SCUBE2: variants seen among roughly 807,000 people sequenced by gnomAD.
SCUBE2 encodes signal peptide, CUB domain and EGF like domain containing 2, also known as signal peptide, CUB and EGF-like domain-containing protein 2.
A neutral mutation model predicts 125.9 loss-of-function variants in SCUBE2; 114 were observed. The ratio of observed to expected loss-of-function variants is 0.91; its 90% CI spans 0.78 to 1.06. SCUBE2 has a LOEUF of 1.06. Among genes scored for constraint, SCUBE2 ranks in the 50% least tolerant of loss-of-function variants. The pLI, the probability that SCUBE2 is intolerant of heterozygous loss-of-function variation, is 0.00. For missense variants in SCUBE2, 1,255 were observed against 1,301.8 expected, an observed-to-expected ratio of 0.96 and a Z score of 0.55; for synonymous variants, 459 against 492.9, an observed-to-expected ratio of 0.93 and a Z score of 0.91.
intron 10 of SCUBE2, among the ~76,000 whole-genome samples, chr11:9,055,490 TGA>T (rs1858986822): frequency 6.6e-6 from 1 of 152,194 alleles, no homozygotes; most frequent in Non-Finnish European, 1.5e-5. Context: ...TATCAGCTCC[TGA>T]GATACCCTTC....
chr11:9,072,319 CT>C (rs1471242452), intron 4 of SCUBE2, among the ~76,000 whole-genome samples: 1 of 152,200 alleles, frequency 6.6e-6, no homozygotes, highest in East Asian at 1.9e-4. Flanking sequence ...CGCCATTCTC[CT>C]GCCTCAGCCT....
intron 6 of SCUBE2, 27 bp from the exon 7 acceptor site, chr11:9,066,007 T>C (rs536108384): frequency 2.0e-6 from 3 of 1,534,284 alleles, no homozygotes; most frequent in Admixed American, 1.7e-5. Flanking sequence ...AGAGCACGGT[T>C]CTCAGACTGA....
In SCUBE2 at chr11:9,021,072, C is replaced by T; in HGVS notation, c.3060G>A (p.Val1020=). The T allele has an allele frequency of 6.2e-7, 1 of 1,613,498 alleles. No homozygotes were observed. Among genetic ancestry groups the T allele is most frequent in the Non-Finnish European group, 8.5e-7 (1 of 1,179,734 alleles). The change falls in exon 23 of 23, where the codon GTG becomes GTA. Residue 1020 remains valine (V), a synonymous_variant. Coordinates refer to ENST00000649792, the MANE Select transcript of SCUBE2 (RefSeq NM_001367977.2). ...RSFIRLLRSK[V]SRFLRPYK Reference sequence around the variant, plus strand: ...ATTTGTAAGGTCTCAAAAACCTGGACACTTTGGAACGTAGCAATCGGATGA... The same window carrying T: ...ATTTGTAAGGTCTCAAAAACCTGGATACTTTGGAACGTAGCAATCGGATGA...
At chr11:9,054,509 C>T (rs527723429) in intron 10 of SCUBE2, among the ~76,000 whole-genome samples, 1 of 151,814 alleles carries the variant, frequency 6.6e-6, no homozygotes, top group Non-Finnish European at 1.5e-5. Context: ...GAAGTGACTA[C>T]ACTAATTCCC....
intron 16 of SCUBE2, among the ~76,000 whole-genome samples, chr11:9,042,304 C>T (rs994193687): frequency 2.6e-5 from 4 of 152,096 alleles, no homozygotes; most frequent in Admixed American, 6.5e-5. Flanking sequence ...CCCTATTCTT[C>T]GTCCCCATGG....
chr11:9,025,991 A>G (rs1430523045), intron 20 of SCUBE2, 137 bp from the exon 21 acceptor site: 13 of 885,542 alleles, frequency 1.5e-5, no homozygotes, highest in South Asian at 5.5e-5. Flanking sequence ...CTGAGCCATC[A>G]TAAGTCAAAG....
At position 9,052,810 on chromosome 11, in the gene SCUBE2, G is replaced by C; in HGVS notation, c.1470C>G (p.Val490=). ...LSSGLQGAYS[V]TCGSSSPLRN... ...TGAGAGGAGAGGAAGAGCCACAGGTGACAGAGTAGGCCCCTTGCAGTCCTG... is the reference window on the plus strand; with the variant it reads ...TGAGAGGAGAGGAAGAGCCACAGGTCACAGAGTAGGCCCCTTGCAGTCCTG... The change falls in exon 13 of 23, where the codon GTC becomes GTG. Residue 490 remains valine (V), a synonymous_variant. Transcript: ENST00000649792. 1 of 1,537,090 alleles carries C rather than the reference G, an allele frequency of 6.5e-7. No homozygotes were observed. The highest frequency in any genetic ancestry group is 8.7e-7 in the Non-Finnish European group (1 of 1,146,792).
chr11:9,052,597 C>A, intron 13 of SCUBE2, 149 bp downstream of exon 13: 1 of 582,790 alleles, frequency 1.7e-6, no homozygotes, highest in East Asian at 3.1e-5. Context: ...GGCACCAGGA[C>A]TGCAGGCAAC....
In SCUBE2 at chr11:9,027,354, T is replaced by TGAGA. The variant is rs1329314285; in HGVS notation, c.2701+6_2701+9dup. The TGAGA allele has an allele frequency of 1.2e-6, 2 of 1,611,364 alleles. No homozygotes were observed. Among genetic ancestry groups the TGAGA allele is most frequent in the Non-Finnish European group, 1.7e-6 (2 of 1,179,060 alleles). ...TGGCCTGAGAAAGGGAGGGAGGGAGTGAGACGCACAGGTTTTCCGCATCAC... is the reference window on the plus strand; with the variant it reads ...TGGCCTGAGAAAGGGAGGGAGGGAGTGAGAGAGACGCACAGGTTTTCCGCATCAC... On this transcript the variant is annotated intron_variant, in intron 20 of 22. Transcript: ENST00000649792.
intron 2 of SCUBE2, among the ~76,000 whole-genome samples, chr11:9,088,918 CA>C (rs996162788): frequency 1.3e-5 from 2 of 152,180 alleles, no homozygotes; most frequent in African/African-American, 4.8e-5. Context: ...ATCATGGCCA[CA>C]ACTCCTCTGG....
At position 9,029,927 on chromosome 11, in the gene SCUBE2, A is replaced by C. The variant is rs1257947556; in HGVS notation, c.2460T>G (p.Thr820=). The change falls in exon 19 of 23, where the codon ACT becomes ACG. Residue 820 remains threonine, a synonymous_variant. Transcript: ENST00000649792. ...TTGTGGAGCCATCAAAGTCAGTCGT[A>C]GTATTTCCTGGGCAAGAAACACAAT... is the stretch of plus-strand genomic sequence containing the variant. The part of the protein sequence containing the change: ...KNNCVSCPGN[T]TTDFDGSTNI... The C allele has an allele frequency of 3.7e-6, 6 of 1,614,236 alleles. No homozygotes were observed. In the East Asian group the frequency reaches 1.3e-4, roughly 36 times the overall value.
chr11:9,068,530 C>G (rs1327020638), intron 5 of SCUBE2, among the ~76,000 whole-genome samples: 3 of 152,118 alleles, frequency 2.0e-5, no homozygotes, highest in Non-Finnish European at 4.4e-5. Context: ...ACAAGTCAAC[C>G]CAGAGCTATA....
chr11:9,030,636 ACCTGAACCC>A lies in SCUBE2; in HGVS notation c.2341+113_2341+121del, dbSNP rs1856224018. The A allele has an allele frequency of 9.1e-6, 9 of 986,478 alleles. No individual in the cohort carries two copies. In the East Asian group the frequency reaches 2.2e-4, roughly 24 times the overall value. The allele number at this position is 986,478 out of a possible 1,614,324, so 61.1% of individuals were successfully genotyped here. The stretch of plus-strand genomic sequence containing the variant: ...TCCTGCTGGGGCGAGTGGAGCTGGG[ACCTGAACCC>A]CCAGCCACTGGGGCACTGCATCAGG... On this transcript the variant is annotated intron_variant, in intron 18 of 22. Transcript: ENST00000649792.
chr11:9,051,391 G>T (rs759081041), intron 13 of SCUBE2, among the ~76,000 whole-genome samples: 6 of 152,188 alleles, frequency 3.9e-5, no homozygotes, highest in Non-Finnish European at 7.3e-5. Context: ...AGCCCGTTTG[G>T]CGAAACGGTG....
intron 3 of SCUBE2, 44 bp downstream of exon 3, chr11:9,079,340 T>C: frequency 1.2e-6 from 2 of 1,611,042 alleles, no homozygotes; most frequent in Non-Finnish European, 1.7e-6. Context: ...AAGAAAGGGG[T>C]GGGAGAGTGA....
chr11:9,028,114 C>T (rs922752721), intron 19 of SCUBE2, among the ~76,000 whole-genome samples: 6 of 152,182 alleles, frequency 3.9e-5, no homozygotes, highest in South Asian at 2.1e-4. Flanking sequence ...TGCAGTGGTG[C>T]GATCATGGCT....
intron 2 of SCUBE2, among the ~76,000 whole-genome samples, chr11:9,083,233 A>T (rs1056894703): frequency 6.6e-6 from 1 of 152,076 alleles, no homozygotes; most frequent in African/African-American, 2.4e-5. Flanking sequence ...AAACAAATGA[A>T]CCTAATGTAT....
intron 19 of SCUBE2, 65 bp from the exon 20 acceptor site, chr11:9,027,626 T>G: frequency 1.4e-5 from 20 of 1,401,884 alleles, no homozygotes; most frequent in Non-Finnish European, 1.7e-5. Context: ...CACCGCTAGC[T>G]TGCCGAGCCC....
intron 2 of SCUBE2, among the ~76,000 whole-genome samples, chr11:9,087,836 G>A (rs1255069829): frequency 1.3e-5 from 2 of 152,202 alleles, no homozygotes; most frequent in African/African-American, 4.8e-5. Flanking sequence ...GGAGATGGGT[G>A]GATAGGGAGG....
Sources: gnomAD v4.1 joint callset for allele counts (sites outside exome capture counted in the v4.1 genomes callset) on GRCh38, gnomAD v4.1.1 for gene constraint, MANE v1.5 for transcripts, NCBI Gene and HGNC (gene_info 2026-07-23, HGNC 2026-07-21) for gene names.